The following RAP1B variants were observed in gnomAD, a reference collection of about 807,000 sequenced individuals.
RAP1B encodes the protein RAP1B, member of RAS oncogene family.
A neutral mutation model predicts 27.5 loss-of-function variants in RAP1B; 1 was observed. The observed-to-expected ratio is 0.04, with a 90% confidence interval of 0.01 to 0.17. The LOEUF (loss-of-function observed/expected upper bound fraction) is 0.17, where lower values mean the gene tolerates loss of function less well. Ranked by LOEUF, RAP1B falls within the 10% of genes least tolerant of loss-of-function variation. RAP1B has a pLI of 1.00. For synonymous variants in RAP1B, 75 were observed against 73.1 expected (o/e 1.03, Z -0.13); for missense variants, 84 against 214.8 (o/e 0.39, Z 3.81).
chr12:68,619,876 A>C (rs1404573290), intron 1 of RAP1B, among the ~76,000 whole-genome samples: 1 of 152,128 alleles, frequency 6.6e-6, no homozygotes, highest in Non-Finnish European at 1.5e-5. Flanking sequence ...GGATTAGATA[A>C]TAGTTATTTT....
intron 1 of RAP1B, among the ~76,000 whole-genome samples, chr12:68,622,278 C>G (rs1284957016): frequency 6.6e-6 from 1 of 152,214 alleles, no homozygotes; most frequent in Non-Finnish European, 1.5e-5. Context: ...CTCACAGGAG[C>G]TTCCTAACTT....
At chr12:68,611,431 C>CT (rs1355976251) in intron 1 of RAP1B, among the ~76,000 whole-genome samples, 1 of 146,968 alleles carries the variant, frequency 6.8e-6, no homozygotes, top group African/African-American at 2.5e-5. Context: ...CCCCCGAAGA[C>CT]TCGCTCCCCG....
intron 4 of RAP1B, among the ~76,000 whole-genome samples, chr12:68,653,375 C>T (rs1304072271): frequency 6.6e-6 from 1 of 151,980 alleles, no homozygotes; most frequent in Non-Finnish European, 1.5e-5. Flanking sequence ...GTGTTGTTAC[C>T]TTCAAATGCT....
intron 1 of RAP1B, among the ~76,000 whole-genome samples, chr12:68,611,260 G>C (rs1488856756): frequency 6.7e-6 from 1 of 149,392 alleles, no homozygotes; most frequent in Non-Finnish European, 1.5e-5. Flanking sequence ...GCGAGGAGGA[G>C]CAGCCGCCGC....
chr12:68,637,382 T>C (rs1354210222), intron 1 of RAP1B, among the ~76,000 whole-genome samples: 1 of 151,886 alleles, frequency 6.6e-6, no homozygotes, highest in Non-Finnish European at 1.5e-5. Flanking sequence ...TGGATCACCT[T>C]AGGTCAGGAG....
intron 1 of RAP1B, among the ~76,000 whole-genome samples, chr12:68,619,055 G>A (rs150098974): frequency 6.9e-4 from 105 of 152,276 alleles, no homozygotes; most frequent in African/African-American, 2.4e-3. Flanking sequence ...AGCTGTGATC[G>A]TGCCACTGCG....
chr12:68,615,658 G>C (rs1341302778), intron 1 of RAP1B, among the ~76,000 whole-genome samples: 1 of 151,756 alleles, frequency 6.6e-6, no homozygotes, highest in Non-Finnish European at 1.5e-5. Context: ...TTACAAATCT[G>C]TCTCTCTGAC....
chr12:68,667,504 G>C lies in RAP1B; in HGVS notation c.*8255G>C, dbSNP rs949159772. 1.3e-5 allele frequency: 2 copies of C among 152,168 alleles called. No individual in the cohort carries two copies. The highest frequency in any genetic ancestry group is 4.8e-5 in the African/African-American group (2 of 41,432). 9.4% of individuals were successfully genotyped at this position (152,168 alleles called of 1,614,324 possible). On this transcript the variant is annotated 3_prime_UTR_variant, in exon 8 of 8. Coordinates refer to ENST00000250559, the MANE Select transcript of RAP1B (RefSeq NM_001010942.3). ...GGTTTTGGGGTTTTTATATGTGTTA[G>C]TACATTCAGCGTTAGGGTTGGGTTT... is the stretch of plus-strand genomic sequence containing the variant.
intron 1 of RAP1B, among the ~76,000 whole-genome samples, chr12:68,648,405 G>A (rs1873572961): frequency 6.6e-6 from 1 of 152,236 alleles, no homozygotes; most frequent in African/African-American, 2.4e-5. Flanking sequence ...ATACACAAAT[G>A]AGTGGATATG....
intron 1 of RAP1B, 111 bp from the exon 2 acceptor site, chr12:68,648,588 G>A (rs1873586025): frequency 2.3e-6 from 2 of 873,478 alleles, no homozygotes; most frequent in African/African-American, 1.7e-5. Context: ...TACTAGGGTT[G>A]TATAGTAATC....
chr12:68,632,147 TTTG>T (rs1872305820), intron 1 of RAP1B, among the ~76,000 whole-genome samples: 1 of 107,914 alleles, frequency 9.3e-6, no homozygotes, highest in African/African-American at 3.9e-5. Flanking sequence ...TTTTTTTTTG[TTTG>T]TTTTTTTTTT....
chr12:68,624,783 C>T (rs964496379), intron 1 of RAP1B: 13 of 152,484 alleles, frequency 8.5e-5, no homozygotes, highest in African/African-American at 2.9e-4. Flanking sequence ...CCACTGCACT[C>T]CAGCCTAGGC....
intron 1 of RAP1B, chr12:68,643,030 C>T: frequency 1.3e-6 from 1 of 754,028 alleles, no homozygotes; most frequent in Non-Finnish European, 2.4e-6. Flanking sequence ...GCCCACGGTC[C>T]ACTGCAGCCG....
chr12:68,640,088 C>T (rs1250565001), intron 1 of RAP1B, among the ~76,000 whole-genome samples: 3 of 152,160 alleles, frequency 2.0e-5, no homozygotes, highest in Non-Finnish European at 1.5e-5. Context: ...ATCCACCCAC[C>T]TCAGCCTCCC....
chr12:68,636,239 T>C (rs1316054476), intron 1 of RAP1B, among the ~76,000 whole-genome samples: 1 of 152,212 alleles, frequency 6.6e-6, no homozygotes, highest in Non-Finnish European at 1.5e-5. Context: ...ATGTTGCTTA[T>C]TGCTTTTCAA....
intron 4 of RAP1B, among the ~76,000 whole-genome samples, chr12:68,653,032 G>A (rs1873926744): frequency 6.6e-6 from 1 of 151,930 alleles, no homozygotes; most frequent in Admixed American, 6.6e-5. Flanking sequence ...CTAACATGGT[G>A]AAACCCGTCT....
chr12:68,615,712 C>T (rs1870935632), intron 1 of RAP1B, among the ~76,000 whole-genome samples: 1 of 152,030 alleles, frequency 6.6e-6, no homozygotes, highest in Admixed American at 6.6e-5. Context: ...AGTTTTATAT[C>T]AAACCATTTC....
chr12:68,641,745 T>C lies in RAP1B; in HGVS notation c.-26-6954T>C, dbSNP rs189759151. On this transcript the variant is annotated intron_variant, in intron 1 of 7. Transcript: ENST00000250559. ...CAAAGATAAATAGAAGAAATACTTA[T>C]GCATTTGAAAAAATCGATGCATTCC... 4.4e-3 allele frequency among the ~76,000 whole-genome samples: 668 copies of C among 151,918 alleles called. 5 individuals are homozygous for C. The highest frequency in any genetic ancestry group is 0.015 in the African/African-American group (636 of 41,436).
intron 1 of RAP1B, among the ~76,000 whole-genome samples, chr12:68,622,000 G>C (rs1871417152): frequency 6.6e-6 from 1 of 152,024 alleles, no homozygotes; most frequent in Admixed American, 6.6e-5. Flanking sequence ...GAGAACTCAG[G>C]TATTTGTTTT....
Sources: gnomAD v4.1 joint callset for allele counts (sites outside exome capture counted in the v4.1 genomes callset) on GRCh38, gnomAD v4.1.1 for gene constraint, MANE v1.5 for transcripts, NCBI Gene and HGNC (gene_info 2026-07-23, HGNC 2026-07-21) for gene names.